Variants in WDR19 observed in about 807,000 individuals in gnomAD.
WDR19 encodes the protein WD repeat domain 19.
Under a neutral mutation model 180.0 loss-of-function variants are expected in WDR19, and 121 were observed. That is an observed-to-expected ratio of 0.67 (90% confidence interval 0.58 to 0.78). WDR19 has a LOEUF of 0.78. Among genes scored for constraint, WDR19 ranks in the 30% least tolerant of loss-of-function variants. The pLI is 0.00. For missense variants in WDR19, 1,450 were observed against 1,640.7 expected, an observed-to-expected ratio of 0.88 and a Z score of 2.01; for synonymous variants, 497 against 540.7, an observed-to-expected ratio of 0.92 and a Z score of 1.12.
intron 24 of WDR19, among the ~76,000 whole-genome samples, chr4:39,251,955 C>G (rs1265002147): frequency 6.6e-6 from 1 of 152,116 alleles, no homozygotes; most frequent in Admixed American, 6.5e-5. Context: ...TGTGGTGATT[C>G]CTCAGGGATC....
At chr4:39,194,847 C>T in intron 5 of WDR19, 188 bp downstream of exon 5, 1 of 559,446 alleles carries the variant, frequency 1.8e-6, no homozygotes, top group East Asian at 2.9e-5. Context: ...AAGAACTTGC[C>T]AGGGTACATA....
intron 31 of WDR19, among the ~76,000 whole-genome samples, chr4:39,271,119 A>G (rs1735325826): frequency 6.6e-6 from 1 of 151,822 alleles, no homozygotes; most frequent in South Asian, 2.1e-4. Flanking sequence ...CTGGTCTCGA[A>G]CTCCTGTCCT....
intron 17 of WDR19, among the ~76,000 whole-genome samples, chr4:39,231,309 C>T (rs1345756394): frequency 1.7e-5 from 2 of 118,192 alleles, no homozygotes; most frequent in African/African-American, 3.8e-5. Flanking sequence ...AGTGAGACTC[C>T]GTCTTCAAAA....
rs142037096 is a variant in WDR19, at chr4:39,220,560, A to ATTTTTTTTTTTTTTTTTTTTT, written c.1479+2459_1479+2479dup. 4.7e-5 allele frequency among the ~76,000 whole-genome samples: 3 copies of ATTTTTTTTTTTTTTTTTTTTT among 64,376 alleles called. 1 individual carries two copies. The highest frequency in any genetic ancestry group is 2.9e-4 in the Admixed American group (1 of 3,506). 42.2% of individuals were successfully genotyped at this position (64,376 alleles called of 152,430 possible). A position where few individuals can be genotyped will look rare whatever the true frequency, so the allele number is the denominator to read the frequency against. ...TTTTTTTTAGAAACAGACCTCCTTG[A>ATTTTTTTTTTTTTTTTTTTTT]TTTTTTTTTTTTTTTTTTTTTTTTG... On this transcript the variant is annotated intron_variant, in intron 14 of 36. Transcript: ENST00000399820.
intron 28 of WDR19, among the ~76,000 whole-genome samples, chr4:39,259,690 A>C (rs927077295): frequency 1.1e-4 from 17 of 152,304 alleles, no homozygotes; most frequent in Non-Finnish European, 2.1e-4. Context: ...ATTATGAGTA[A>C]TACTGCTATT....
chr4:39,216,300 C>A (rs1729066005), intron 12 of WDR19, 90 bp downstream of exon 12: 1 of 1,021,020 alleles, frequency 9.8e-7, no homozygotes, highest in Non-Finnish European at 1.4e-6. Flanking sequence ...AGGACCAAGT[C>A]TTTCACTCTT....
intron 24 of WDR19, among the ~76,000 whole-genome samples, chr4:39,249,638 C>T (rs560491497): frequency 5.9e-5 from 9 of 152,080 alleles, no homozygotes; most frequent in East Asian, 3.9e-4. Context: ...ATCAAATAGA[C>T]GCAATAAAAA....
intron 19 of WDR19, 133 bp downstream of exon 19, chr4:39,232,405 G>A (rs192965649): frequency 3.9e-4 from 271 of 688,546 alleles, no homozygotes; most frequent in African/African-American, 3.7e-3. Context: ...TGGATGGATC[G>A]CCTGAGGTCA....
At chr4:39,252,614 G>A (rs1733355311) in intron 24 of WDR19, among the ~76,000 whole-genome samples, 1 of 152,074 alleles carries the variant, frequency 6.6e-6, no homozygotes, top group African/African-American at 2.4e-5. Flanking sequence ...TTTTAAAGGA[G>A]ATTTAATACC....
At chr4:39,246,223 G>A (rs1296340325) in intron 24 of WDR19, among the ~76,000 whole-genome samples, 1 of 152,126 alleles carries the variant, frequency 6.6e-6, no homozygotes, top group African/African-American at 2.4e-5. Flanking sequence ...TGTATCTTTT[G>A]GGCTGGGCGT....
intron 15 of WDR19, among the ~76,000 whole-genome samples, chr4:39,225,977 C>T (rs1730213665): frequency 6.6e-6 from 1 of 152,160 alleles, no homozygotes. Flanking sequence ...CTCCCAATTG[C>T]AAAGCAAATG....
chr4:39,231,721 A>T, intron 17 of WDR19, 76 bp from the exon 18 acceptor site: 4 of 1,348,576 alleles, frequency 3.0e-6, no homozygotes, highest in Non-Finnish European at 4.0e-6. Context: ...ACGCTATTAG[A>T]TGACATGTAG....
chr4:39,251,856 C>T (rs1412386042), intron 24 of WDR19, among the ~76,000 whole-genome samples: 4 of 152,080 alleles, frequency 2.6e-5, no homozygotes, highest in African/African-American at 9.7e-5. Context: ...AGTCAGGAAA[C>T]AACAGGTGCT....
chr4:39,199,799 C>T (rs1048015834), intron 6 of WDR19, among the ~76,000 whole-genome samples: 18 of 152,268 alleles, frequency 1.2e-4, no homozygotes, highest in Admixed American at 2.6e-4. Flanking sequence ...CAAATATCCT[C>T]CTTTGTATAT....
chr4:39,217,776 G>A (rs1289830425), intron 13 of WDR19, among the ~76,000 whole-genome samples: 1 of 152,160 alleles, frequency 6.6e-6, no homozygotes, highest in Non-Finnish European at 1.5e-5. Context: ...AGAGCCTGCA[G>A]TAAAGACTGT....
chr4:39,248,329 C>T (rs942373836), intron 24 of WDR19, among the ~76,000 whole-genome samples: 3 of 152,200 alleles, frequency 2.0e-5, no homozygotes, highest in Admixed American at 6.5e-5. Context: ...ACCAGGCCTT[C>T]CCTACAAGAG....
At chr4:39,255,342 A>G (rs914611739) in intron 26 of WDR19, among the ~76,000 whole-genome samples, 1 of 152,076 alleles carries the variant, frequency 6.6e-6, no homozygotes, top group African/African-American at 2.4e-5. Flanking sequence ...GAGGCGCAGC[A>G]TGGTTGTTAT....
intron 21 of WDR19, among the ~76,000 whole-genome samples, chr4:39,244,035 A>C (rs1732242647): frequency 6.6e-6 from 1 of 152,192 alleles, no homozygotes; most frequent in African/African-American, 2.4e-5. Flanking sequence ...AAGTTGATCT[A>C]GGCTTTCGCA....
At chr4:39,245,497 G>C in intron 24 of WDR19, 45 bp downstream of exon 24, 2 of 1,570,788 alleles carry the variant, frequency 1.3e-6, no homozygotes. Context: ...AGTAATGTAA[G>C]CTTTACAAAT....
Sources: gnomAD v4.1 joint callset for allele counts (sites outside exome capture counted in the v4.1 genomes callset) on GRCh38, gnomAD v4.1.1 for gene constraint, MANE v1.5 for transcripts, NCBI Gene and HGNC (gene_info 2026-07-23, HGNC 2026-07-21) for gene names.